The following MPO variants were observed in gnomAD, a reference collection of about 807,000 sequenced individuals.
MPO encodes the protein myeloperoxidase.
MPO carries 57 observed loss-of-function variants against 69.4 expected under a neutral mutation model. The observed-to-expected ratio is 0.82, with a 90% CI of 0.66 to 1.02. MPO has a LOEUF of 1.02. Ranked by LOEUF, MPO falls within the 50% of genes least tolerant of loss-of-function variation. The pLI is 0.00. For synonymous variants in MPO, 426 were observed against 417.1 expected (o/e 1.02, Z -0.26); for missense variants, 971 against 1,014.1 (o/e 0.96, Z 0.58).
chr17:58,271,682 T>C lies in MPO; in HGVS notation c.2003A>G (p.Gln668Arg). The change falls in exon 11 of 12, where the codon CAG becomes CGG. Residue 668 changes from glutamine to arginine, a missense_variant. By Grantham distance (43) the Gln-to-Arg change is conservative (BLOSUM62 1). Coordinates refer to ENST00000225275, the MANE Select transcript of MPO (RefSeq NM_000250.2). ...GPLLACIIGTQFRKLRDGDRF... is the reference protein window; with the variant it reads ...GPLLACIIGTRFRKLRDGDRF... ...ATCACCATCCCGGAGCTTCCTGAACTGGGTACCGATGATGCAGGCGAGGAG... is the reference window on the plus strand; with the variant it reads ...ATCACCATCCCGGAGCTTCCTGAACCGGGTACCGATGATGCAGGCGAGGAG... The C allele has an allele frequency of 2.5e-6, 4 of 1,613,944 alleles. No individual in the cohort carries two copies. The highest frequency in any genetic ancestry group is 3.4e-6 in the Non-Finnish European group (4 of 1,180,042).
Position 58,270,912 on chromosome 17 carries a change from G to T in MPO, c.2031-49C>A. The T allele has an allele frequency of 1.3e-6, 2 of 1,598,988 alleles. 1 individual carries two copies. On this transcript the variant is annotated intron_variant, in intron 11 of 11. Coordinates refer to ENST00000225275, the MANE Select transcript of MPO (RefSeq NM_000250.2). This position sits in a 1 kb window ranked among gnomAD's most constrained non-coding sequence, Gnocchi z 4.1. The stretch of plus-strand genomic sequence containing the variant: ...ACTGTGCCCAAGGATATTCTGGGCT[G>T]GCAGGGCATCGATGGGCTTGTGCTG...
At chr17:58,280,204 G>A in intron 2 of MPO, 162 bp downstream of exon 2, 2 of 1,008,984 alleles carry the variant, frequency 2.0e-6, no homozygotes, top group Admixed American at 2.0e-5. Context: ...TGGCTTTTAA[G>A]CTGTTCTCCC....
chr17:58,279,211 G>A lies in MPO; in HGVS notation c.682C>T (p.Arg228Cys), dbSNP rs1481343975. Residue 228 changes from arginine to cysteine, a missense_variant, in exon 6 of 12, where the codon CGC becomes TGC. Transcript: ENST00000225275. ...CGCACGATCTCGTTGGAGACCGCGC[G>A]AGCCTGCGGGACACGGAGATCAGCT... ...KRNGFPVALA[R>C]AVSNEIVRFP... is the part of the protein sequence containing the mutation. 3 of 1,600,250 alleles carry A rather than the reference G, an allele frequency of 1.9e-6. No homozygotes were observed. Among genetic ancestry groups the A allele is most frequent in the South Asian group, 1.1e-5 (1 of 89,132 alleles).
intron 11 of MPO, 106 bp downstream of exon 11, chr17:58,271,549 C>T: frequency 8.9e-7 from 1 of 1,128,116 alleles, no homozygotes; most frequent in South Asian, 1.3e-5. Flanking sequence ...TGGAAAATTA[C>T]TGACTCCCTC....
At chr17:58,277,024 C>T (rs1001677370) in intron 7 of MPO, among the ~76,000 whole-genome samples, 1 of 152,000 alleles carries the variant, frequency 6.6e-6, no homozygotes, top group African/African-American at 2.4e-5. Flanking sequence ...AGAAGAATCA[C>T]TTAAACCCAG....
At chr17:58,271,448 C>T (rs939058702) in intron 11 of MPO, among the ~76,000 whole-genome samples, 1 of 152,156 alleles carries the variant, frequency 6.6e-6, no homozygotes, top group Non-Finnish European at 1.5e-5. Context: ...CCTTTACAAC[C>T]AGGGGTCCAG....
chr17:58,272,953 C>T (rs370125571), intron 9 of MPO, 35 bp from the exon 10 acceptor site: 1 of 1,612,446 alleles, frequency 6.2e-7, no homozygotes, highest in African/African-American at 1.3e-5. Flanking sequence ...GGGGAAGTAT[C>T]TGGCTCAGTA....
At chr17:58,278,689 C>T (rs566617161) in intron 6 of MPO, 44 of 489,316 alleles carry the variant, frequency 9.0e-5, no homozygotes, top group South Asian at 8.9e-4. Context: ...AAGGTCTCCT[C>T]CCAGAACCCT....
rs748478973 is a variant in MPO at position 58,278,098 on chromosome 17, C to G, written c.933G>C (p.Pro311=). 28 of 1,607,746 alleles carry G rather than the reference C, an allele frequency of 1.7e-5. No homozygotes were observed. The highest frequency in any genetic ancestry group is 2.4e-5 in the Non-Finnish European group (28 of 1,179,986). ...PRIKNQADCI[P]FFRSCPACPG... is the part of the protein sequence containing the mutation. ...GGCAAGCCGGGCAGGAGCGGAAGAACGGGATGCAGTCGGCTTGGTTCTTGA... is the reference window on the plus strand; with the variant it reads ...GGCAAGCCGGGCAGGAGCGGAAGAAGGGGATGCAGTCGGCTTGGTTCTTGA... Residue 311 remains proline (P), a synonymous_variant, in exon 7 of 12, where the codon CCG becomes CCC. Transcript: ENST00000225275.
rs972170034 is a variant in MPO, at chr17:58,273,495, T to G, written c.1540A>C (p.Asn514His). 5.0e-6 allele frequency: 8 copies of G among 1,614,212 alleles called. No individual in the cohort carries two copies. In the Admixed American group the frequency reaches 8.3e-5, roughly 17 times the overall value. Residue 514 changes from asparagine to histidine, a missense_variant, in exon 9 of 12, where the codon AAT becomes CAT. Coordinates refer to ENST00000225275, the MANE Select transcript of MPO (RefSeq NM_000250.2). ...LIQPFMFRLD[N>H]RYQPMEPNPR... ...TTGGGTTCCATGGGCTGGTACCGAT[T>G]GTCCAGGCGGAACATGAAGGGTTGG... is the stretch of plus-strand genomic sequence containing the variant.
intron 8 of MPO, among the ~76,000 whole-genome samples, chr17:58,274,556 G>A (rs1285615737): frequency 5.9e-5 from 9 of 152,070 alleles, no homozygotes; most frequent in East Asian, 3.9e-4. Context: ...ACAGTGACTC[G>A]TGCCTGTAAT....
Position 58,275,763 on chromosome 17 carries a change from A to G in MPO, c.1205-61T>C. 1.3e-6 allele frequency: 2 copies of G among 1,598,212 alleles called. No individual in the cohort carries two copies. Among genetic ancestry groups the G allele is most frequent in the Non-Finnish European group, 1.7e-6 (2 of 1,170,704 alleles). On this transcript the variant is annotated intron_variant, in intron 7 of 11. Coordinates refer to ENST00000225275, the MANE Select transcript of MPO (RefSeq NM_000250.2). This position sits in a 1 kb window ranked among gnomAD's most constrained non-coding sequence, Gnocchi z 4.1. ...CTCCATCCCAGAAAAGATTTGCTCC[A>G]CTGAAACCCCCTCCCCAGCCAAGGC...
At position 58,272,835 on chromosome 17, in the gene MPO, G is replaced by C. The variant is rs119468010; in HGVS notation, c.1705C>G (p.Arg569Gly). Residue 569 changes from arginine (R) to glycine (G), a missense_variant, in exon 10 of 12, where the codon CGG becomes GGG. Coordinates refer to ENST00000225275, the MANE Select transcript of MPO (RefSeq NM_000250.2). ...RQNQIAVDEI[R>G]ERLFEQVMRI... The stretch of plus-strand genomic sequence containing the variant: ...ATGACCTGCTCAAACAATCGCTCCC[G>C]GATCTCATCCACTGCAATTTGGTTC... 1 of 1,614,182 alleles carries C rather than the reference G, an allele frequency of 6.2e-7. No individual in the cohort carries two copies. The highest frequency in any genetic ancestry group is 8.5e-7 in the Non-Finnish European group (1 of 1,180,040).
Position 58,273,438 on chromosome 17 carries a change from C to CA in MPO, c.1596dup (p.Ala533CysfsTer12). 1.2e-6 allele frequency: 2 copies of CA among 1,614,076 alleles called. No individual in the cohort carries two copies. Among genetic ancestry groups the CA allele is most frequent in the Non-Finnish European group, 1.7e-6 (2 of 1,180,000 alleles). ...CCTTCCAGCACGACCCTCCAGGAGG[C>CA]AAAAAAGACCCTGCTGAGGGGGACA... On this transcript the variant is annotated frameshift_variant, in exon 9 of 12. Coordinates refer to ENST00000225275, the MANE Select transcript of MPO (RefSeq NM_000250.2). LOFTEE classifies it high-confidence loss of function.
chr17:58,277,660 C>G, intron 7 of MPO, 167 bp downstream of exon 7: 2 of 1,021,256 alleles, frequency 2.0e-6, no homozygotes, highest in Non-Finnish European at 2.9e-6. Context: ...CTGGCTCCAT[C>G]TGACTTGTTA....
chr17:58,279,596 C>T lies in MPO; in HGVS notation c.475G>A (p.Ala159Thr), dbSNP rs1016099901. Residue 159 changes from alanine to threonine, a missense_variant, in exon 4 of 12, where the codon GCC (alanine) becomes ACC (threonine). Ala to Thr is a moderately conservative substitution (Grantham distance 58). Coordinates refer to ENST00000225275, the MANE Select transcript of MPO (RefSeq NM_000250.2). ...LNVLSKSSGCAYQDVGVTCPE... is the reference protein window; with the variant it reads ...LNVLSKSSGCTYQDVGVTCPE... ...CAAGTCACCCCCACGTCCTGGTAGG[C>T]GCAGCCGCTTGACTTGGACAACACA... 1.2e-6 allele frequency: 2 copies of T among 1,613,990 alleles called. No homozygotes were observed. Among genetic ancestry groups the T allele is most frequent in the Non-Finnish European group, 1.7e-6 (2 of 1,180,036 alleles).
At chr17:58,279,480 C>T (rs1224180876) in intron 4 of MPO, 43 bp downstream of exon 4, 2 of 1,612,726 alleles carry the variant, frequency 1.2e-6, no homozygotes, top group Admixed American at 3.3e-5. Flanking sequence ...TCCGGGACGC[C>T]TCTCTGAGCC....
In MPO at chr17:58,277,827, C is replaced by T; in HGVS notation, c.1204G>A (p.Gly402Arg). ...RSARIPCFLA[G>R]DTRSSEMPEL... The stretch of plus-strand genomic sequence containing the variant: ...CTCTGGTCCCCACCCCAAAGCTGAC[C>T]TGCCAGGAAGCAGGGGATGCGCGCT... Residue 402 changes from glycine (G) to arginine (R), a missense_variant and splice_region_variant, in exon 7 of 12, where the codon GGG becomes AGG. Gly to Arg is a moderately radical substitution (Grantham distance 125). Coordinates refer to ENST00000225275, the MANE Select transcript of MPO (RefSeq NM_000250.2). 1 of 1,602,172 alleles carries T rather than the reference C, an allele frequency of 6.2e-7. No individual in the cohort carries two copies. The highest frequency in any genetic ancestry group is 8.5e-7 in the Non-Finnish European group (1 of 1,179,966).
At chr17:58,274,312 C>T in intron 8 of MPO, 4 of 449,212 alleles carry the variant, frequency 8.9e-6, no homozygotes, top group South Asian at 6.3e-5. Flanking sequence ...AAAACTCACC[C>T]TTAGCACCGA....
Sources: allele counts gnomAD v4.1 joint callset (sites outside exome capture counted in the v4.1 genomes callset), GRCh38; gene constraint gnomAD v4.1.1; non-coding constraint Gnocchi (gnomAD v3.1); transcripts MANE v1.5; gene names NCBI Gene and HGNC (gene_info 2026-07-23, HGNC 2026-07-21).